BMPR1B: variants seen among roughly 807,000 people sequenced by gnomAD.
The protein encoded by BMPR1B is bone morphogenetic protein receptor type-1B.
In BMPR1B, 12 loss-of-function variants were observed where a neutral mutation model predicts 59.1. That is an observed-to-expected ratio of 0.20 (90% CI 0.13 to 0.33). The LOEUF is 0.33. BMPR1B is among the 10% of genes least tolerant of loss of function. The pLI is 1.00. For synonymous variants in BMPR1B, 237 were observed against 207.3 expected (o/e 1.14, Z -1.23); for missense variants, 550 against 610.9 (o/e 0.90, Z 1.05).
intron 1 of BMPR1B, among the ~76,000 whole-genome samples, chr4:94,821,446 A>G (rs1431015561): frequency 6.7e-6 from 1 of 149,980 alleles, no homozygotes; most frequent in African/African-American, 2.5e-5. Flanking sequence ...CATATATTCT[A>G]TAAATATTTT....
chr4:94,998,812 C>T (rs1722246101), intron 3 of BMPR1B, among the ~76,000 whole-genome samples: 1 of 152,120 alleles, frequency 6.6e-6, no homozygotes, highest in Non-Finnish European at 1.5e-5. Context: ...CATATACCTT[C>T]TACTTTTGTT....
At chr4:94,977,601 G>A (rs150906613) in intron 2 of BMPR1B, among the ~76,000 whole-genome samples, 10 of 151,588 alleles carry the variant, frequency 6.6e-5, no homozygotes, top group African/African-American at 2.2e-4. Flanking sequence ...GCTCACGCTT[G>A]TAATCCCAGC....
Position 95,015,934 on chromosome 4 carries a change from G to A in BMPR1B, c.-18+19800G>A, listed in dbSNP as rs944439222. ...TCTTGATCTCTTGACCTTATGATCC[G>A]CCCGCCTTGGCTTCCCAAAGTGTTG... On this transcript the variant is annotated intron_variant, in intron 3 of 12. Coordinates refer to ENST00000515059, the MANE Select transcript of BMPR1B (RefSeq NM_001203.3). Among the ~76,000 whole-genome samples, 7 of 152,186 alleles carry A rather than the reference G, an allele frequency of 4.6e-5. No homozygotes were observed. In the South Asian group the frequency reaches 1.2e-3, roughly 27 times the overall value.
chr4:94,890,351 A>G (rs566525167), intron 2 of BMPR1B, among the ~76,000 whole-genome samples: 5 of 152,218 alleles, frequency 3.3e-5, no homozygotes, highest in African/African-American at 9.6e-5. Flanking sequence ...CTTGTTAAAT[A>G]AATGTAAAAT....
At chr4:95,126,848 A>G (rs1732942524) in intron 8 of BMPR1B, among the ~76,000 whole-genome samples, 5 of 152,310 alleles carry the variant, frequency 3.3e-5, no homozygotes, top group Admixed American at 3.3e-4. Flanking sequence ...ACCTCATCTT[A>G]ACATTGATTT....
In BMPR1B at chr4:94,780,682, C is replaced by CT. The variant is rs869117575; in HGVS notation, c.-183+22638dup. ...CATCCTCATCAACATGTATTATTGT[C>CT]TTTTTTTTTTTTTTTTTTTTTTTTG... On this transcript the variant is annotated intron_variant, in intron 1 of 12. Coordinates refer to ENST00000515059, the MANE Select transcript of BMPR1B (RefSeq NM_001203.3). 6.2e-3 allele frequency among the ~76,000 whole-genome samples: 513 copies of CT among 82,302 alleles called. 2 individuals carry two copies. Among genetic ancestry groups the CT allele is most frequent in the East Asian group, 6.8e-3 (17 of 2,492 alleles). The allele number at this position is 82,302 out of a possible 152,430, so 54.0% of individuals were successfully genotyped here. A position where few individuals can be genotyped will look rare whatever the true frequency, so the allele number is the denominator to read the frequency against.
chr4:94,964,586 A>C (rs909646461), intron 2 of BMPR1B, among the ~76,000 whole-genome samples: 1 of 152,156 alleles, frequency 6.6e-6, no homozygotes, highest in Non-Finnish European at 1.5e-5. Flanking sequence ...TTCTTCAAAT[A>C]AATCTCATCA....
chr4:95,019,734 C>T lies in BMPR1B; in HGVS notation c.-18+23600C>T, dbSNP rs866244948. Reference sequence around the variant, plus strand: ...CAATTTATAAGGACTCCAGTGTAAACAAACAGGAGCTATGATAGGAAATAG... The same window carrying T: ...CAATTTATAAGGACTCCAGTGTAAATAAACAGGAGCTATGATAGGAAATAG... On this transcript the variant is annotated intron_variant, in intron 3 of 12. Transcript: ENST00000515059. Among the ~76,000 whole-genome samples the T allele has an allele frequency of 1.6e-4, 25 of 152,230 alleles. No individual in the cohort carries two copies. In the South Asian group the frequency reaches 2.1e-3, roughly 13 times the overall value.
chr4:95,022,610 A>G (rs553082927), intron 3 of BMPR1B, among the ~76,000 whole-genome samples: 51 of 151,926 alleles, frequency 3.4e-4, no homozygotes, highest in African/African-American at 1.1e-3. Context: ...TGCTGTGCCT[A>G]TTTCTGAGCT....
intron 10 of BMPR1B, among the ~76,000 whole-genome samples, chr4:95,139,729 G>C (rs549832121): frequency 3.9e-4 from 59 of 152,226 alleles, no homozygotes; most frequent in African/African-American, 1.2e-3. Context: ...TGGGACCCTC[G>C]GAGCCATGCG....
chr4:94,959,951 G>T (rs575025611), intron 2 of BMPR1B, among the ~76,000 whole-genome samples: 1 of 152,228 alleles, frequency 6.6e-6, no homozygotes, highest in Non-Finnish European at 1.5e-5. Context: ...CGAATTATCT[G>T]CATGTTTTCA....
chr4:94,808,359 A>T (rs938437641), intron 1 of BMPR1B, among the ~76,000 whole-genome samples: 1 of 152,196 alleles, frequency 6.6e-6, no homozygotes, highest in Non-Finnish European at 1.5e-5. Flanking sequence ...GGTCATAATT[A>T]TTATATTACT....
At position 94,842,913 on chromosome 4, in the gene BMPR1B, GTGTATGCA is replaced by G. The variant is rs765619419; in HGVS notation, c.-182-32911_-182-32904del. On this transcript the variant is annotated intron_variant, in intron 1 of 12. Coordinates refer to ENST00000515059, the MANE Select transcript of BMPR1B (RefSeq NM_001203.3). ...GCGTATACCTACACATACACACTGT[GTGTATGCA>G]TGTATGTATGTATGCATGTTTTGTT... Among the ~76,000 whole-genome samples, 93 of 151,578 alleles carry G rather than the reference GTGTATGCA, an allele frequency of 6.1e-4. 1 individual carries two copies. Among genetic ancestry groups the G allele is most frequent in the Non-Finnish European group, 4.9e-4 (33 of 67,846 alleles).
At chr4:95,047,979 GTC>G (rs1726169490) in intron 3 of BMPR1B, among the ~76,000 whole-genome samples, 1 of 152,070 alleles carries the variant, frequency 6.6e-6, no homozygotes, top group Non-Finnish European at 1.5e-5. Flanking sequence ...AGGCCCCAGT[GTC>G]TGTTGTTGCC....
chr4:95,135,338 A>G (rs576112102), intron 10 of BMPR1B, among the ~76,000 whole-genome samples: 31 of 152,138 alleles, frequency 2.0e-4, no homozygotes, highest in Non-Finnish European at 2.9e-5. Context: ...TTGACTTAGC[A>G]ATGCGGGCTC....
chr4:94,945,052 C>T (rs1396868269), intron 2 of BMPR1B, among the ~76,000 whole-genome samples: 2 of 152,122 alleles, frequency 1.3e-5, no homozygotes, highest in Non-Finnish European at 2.9e-5. Context: ...CTAGTAATGA[C>T]ATAGGCCCCA....
chr4:94,862,435 G>T, intron 1 of BMPR1B, among the ~76,000 whole-genome samples: 1 of 151,696 alleles, frequency 6.6e-6, no homozygotes, highest in Non-Finnish European at 1.5e-5. Context: ...ACAGGCATGA[G>T]CCACTGCACC....
chr4:94,962,077 T>TTCCTTCCTTCCC (rs1730383464), intron 2 of BMPR1B, among the ~76,000 whole-genome samples: 1 of 32,800 alleles, frequency 3.0e-5, no homozygotes, highest in African/African-American at 1.2e-4. Flanking sequence ...TTTTCTTTCC[T>TTCCTTCCTTCCC]TCCTTCCTTC....
At chr4:94,861,568 ATCTTTC>A (rs2148957022) in intron 1 of BMPR1B, among the ~76,000 whole-genome samples, 1 of 152,268 alleles carries the variant, frequency 6.6e-6, no homozygotes, top group East Asian at 1.9e-4. Flanking sequence ...CTCCTATGTT[ATCTTTC>A]TCTTATAGTG....
Sources: gnomAD v4.1 joint callset for allele counts (sites outside exome capture counted in the v4.1 genomes callset) on GRCh38, gnomAD v4.1.1 for gene constraint, MANE v1.5 for transcripts, NCBI Gene and HGNC (gene_info 2026-07-23, HGNC 2026-07-21) for gene names.